Variants in EYA1 observed in about 807,000 individuals in gnomAD.
EYA1 encodes the protein protein phosphatase EYA1.
In EYA1, 16 loss-of-function variants were observed where a neutral mutation model predicts 82.0. The ratio of observed to expected loss-of-function variants is 0.20; its 90% CI spans 0.13 to 0.30. The LOEUF (loss-of-function observed/expected upper bound fraction) is 0.30. Among genes scored for constraint, EYA1 ranks in the 10% least tolerant of loss-of-function variants. The pLI is 1.00. For synonymous variants in EYA1, 261 were observed against 264.4 expected, an observed-to-expected ratio of 0.99 and a Z score of 0.12; for missense variants, 633 against 730.7, an observed-to-expected ratio of 0.87 and a Z score of 1.54.
intron 17 of EYA1, among the ~76,000 whole-genome samples, chr8:71,205,131 A>G (rs1276882720): frequency 6.6e-6 from 1 of 152,174 alleles, no homozygotes; most frequent in Non-Finnish European, 1.5e-5. Context: ...GATTTCAGCA[A>G]GTTTTAGAAT....
intron 2 of EYA1, among the ~76,000 whole-genome samples, chr8:71,438,216 G>T (rs1031510670): frequency 2.6e-5 from 4 of 151,896 alleles, no homozygotes; most frequent in African/African-American, 9.7e-5. Flanking sequence ...TCTTTCCCAA[G>T]AATAACAAGA....
intron 12 of EYA1, among the ~76,000 whole-genome samples, chr8:71,232,671 CTT>C (rs1425757591): frequency 7.9e-5 from 12 of 151,164 alleles, no homozygotes; most frequent in African/African-American, 2.9e-4. Flanking sequence ...GATGTTTTTT[CTT>C]TTTTCTTTTC....
At position 71,328,152 on chromosome 8, in the gene EYA1, G is replaced by C. The variant is rs1353302142; in HGVS notation, c.203-5884C>G. ...TTACACGTGTGAGCCACTGCACCCA[G>C]CCAAGTTCATGTGAATTTTTAAGCC... On this transcript the variant is annotated intron_variant, in intron 4 of 17. Transcript: ENST00000340726. Among the ~76,000 whole-genome samples, 5 of 152,144 alleles carry C rather than the reference G, an allele frequency of 3.3e-5. No homozygotes were observed. The East Asian group carries it at 9.6e-4, about 29-fold the overall frequency.
At chr8:71,454,259 A>G (rs564783205) in intron 2 of EYA1, among the ~76,000 whole-genome samples, 65 of 152,356 alleles carry the variant, frequency 4.3e-4, no homozygotes, top group African/African-American at 1.5e-3. Flanking sequence ...AGGAGCACCC[A>G]GATTCATAAA....
intron 2 of EYA1, among the ~76,000 whole-genome samples, chr8:71,396,519 A>C (rs1242792287): frequency 6.6e-6 from 1 of 152,190 alleles, no homozygotes; most frequent in African/African-American, 2.4e-5. Context: ...TTCAAAGAAC[A>C]TCTTTATTTC....
intron 2 of EYA1, among the ~76,000 whole-genome samples, chr8:71,489,499 T>C (rs1177535408): frequency 6.6e-6 from 1 of 152,228 alleles, no homozygotes; most frequent in Non-Finnish European, 1.5e-5. Context: ...TTAAATACCA[T>C]TCTGCTCACT....
chr8:71,387,573 G>C (rs1243487211), intron 2 of EYA1, among the ~76,000 whole-genome samples: 1 of 152,132 alleles, frequency 6.6e-6, no homozygotes, highest in Non-Finnish European at 1.5e-5. Context: ...GGAACAGAAT[G>C]ATTTATGTTA....
intron 2 of EYA1, among the ~76,000 whole-genome samples, chr8:71,443,380 C>T (rs1806581293): frequency 6.6e-6 from 1 of 152,176 alleles, no homozygotes; most frequent in African/African-American, 2.4e-5. Flanking sequence ...CAACCTCTGC[C>T]TCCCAGATTC....
intron 2 of EYA1, among the ~76,000 whole-genome samples, chr8:71,489,381 T>C (rs1490968613): frequency 1.3e-5 from 2 of 152,216 alleles, no homozygotes; most frequent in Non-Finnish European, 2.9e-5. Context: ...ATCATTGTAC[T>C]ATATGGCAAT....
At chr8:71,211,305 A>G (rs759610372) in intron 16 of EYA1, 49 bp from the exon 17 acceptor site, 25 of 1,206,822 alleles carry the variant, frequency 2.1e-5, no homozygotes, top group Non-Finnish European at 3.0e-5. Flanking sequence ...GGGTAACCTA[A>G]TGTGACAGTG....
intron 2 of EYA1, among the ~76,000 whole-genome samples, chr8:71,500,830 G>A (rs895210946): frequency 1.3e-5 from 2 of 152,056 alleles, no homozygotes; most frequent in African/African-American, 4.8e-5. Context: ...GGTATAAAAG[G>A]TAAAAGACCT....
chr8:71,476,213 A>G (rs1050029127), intron 2 of EYA1, among the ~76,000 whole-genome samples: 38 of 152,168 alleles, frequency 2.5e-4, no homozygotes, highest in African/African-American at 8.9e-4. Context: ...TACCGGGCTT[A>G]TATAAAATTT....
At chr8:71,493,703 TTATGTTGTGAA>T (rs2129227580) in intron 2 of EYA1, among the ~76,000 whole-genome samples, 1 of 151,720 alleles carries the variant, frequency 6.6e-6, no homozygotes, top group South Asian at 2.1e-4. Context: ...AAGTGAAACT[TTATGTTGTGAA>T]ATACTGAATC....
At chr8:71,496,641 C>G (rs1164824536) in intron 2 of EYA1, among the ~76,000 whole-genome samples, 1 of 152,088 alleles carries the variant, frequency 6.6e-6, no homozygotes, top group Non-Finnish European at 1.5e-5. Flanking sequence ...TTTATGTGAA[C>G]TAACCTCTGG....
At chr8:71,336,002 T>C (rs1206085241) in intron 3 of EYA1, among the ~76,000 whole-genome samples, 1 of 152,200 alleles carries the variant, frequency 6.6e-6, no homozygotes, top group Non-Finnish European at 1.5e-5. Context: ...ATAGACATTA[T>C]AATTCATCCT....
intron 2 of EYA1, among the ~76,000 whole-genome samples, chr8:71,532,200 T>G (rs916351715): frequency 1.3e-5 from 2 of 152,162 alleles, no homozygotes; most frequent in South Asian, 4.1e-4. Flanking sequence ...AGCACCAAGA[T>G]GAAGAATGCA....
chr8:71,256,186 G>T (rs1423980068), intron 11 of EYA1, among the ~76,000 whole-genome samples: 1 of 152,188 alleles, frequency 6.6e-6, no homozygotes, highest in East Asian at 1.9e-4. Flanking sequence ...ATTACTATAT[G>T]ATCCCACAAT....
intron 7 of EYA1, among the ~76,000 whole-genome samples, chr8:71,307,737 A>C (rs1314482156): frequency 6.6e-6 from 1 of 152,198 alleles, no homozygotes; most frequent in African/African-American, 2.4e-5. Flanking sequence ...GACCCCAGAC[A>C]TGGTACAAGA....
intron 2 of EYA1, among the ~76,000 whole-genome samples, chr8:71,517,460 A>G (rs985579806): frequency 6.6e-6 from 1 of 151,838 alleles, no homozygotes; most frequent in South Asian, 2.1e-4. Flanking sequence ...CAGATGTCAA[A>G]TTTATAGTAA....
Sources: allele counts gnomAD v4.1 joint callset (sites outside exome capture counted in the v4.1 genomes callset), GRCh38; gene constraint gnomAD v4.1.1; transcripts MANE v1.5; gene names NCBI Gene and HGNC (gene_info 2026-07-23, HGNC 2026-07-21).